NPSR1: variants seen among roughly 807,000 people sequenced by gnomAD.
NPSR1 encodes neuropeptide S receptor 1.
Under a neutral mutation model 46.9 loss-of-function variants are expected in NPSR1, and 48 were observed. The ratio of observed to expected loss-of-function variants is 1.02; its 90% CI spans 0.81 to 1.30. The LOEUF is 1.30. Ranked by LOEUF, NPSR1 falls within the 50% of genes most tolerant of loss-of-function variation. The pLI, the probability that NPSR1 is intolerant of heterozygous loss-of-function variation, is 0.00. For synonymous variants in NPSR1, 176 were observed against 168.1 expected (o/e 1.05, Z -0.36); for missense variants, 450 against 449.5 (o/e 1.00, Z -0.01).
At chr7:34,686,183 G>A (rs5005133) in intron 2 of NPSR1, 26,836 of 152,306 alleles carry the variant, frequency 0.18, 3,422 homozygotes, top group African/African-American at 0.36. Flanking sequence ...GACAAAAGTT[G>A]TATGTTCTAA....
In NPSR1 at chr7:34,781,955, T is replaced by C. The variant is rs1787249493; in HGVS notation, c.384+3390T>C. ...CCAGGCCTCAGAGCCATTATAATTC[T>C]GTGCATACCTGTGCTCTCATTCTTG... On this transcript the variant is annotated intron_variant, in intron 3 of 8. Transcript: ENST00000360581. Among the ~76,000 whole-genome samples the C allele has an allele frequency of 3.3e-5, 5 of 152,208 alleles. No individual in the cohort carries two copies. In the South Asian group the frequency reaches 8.3e-4, roughly 25 times the overall value.
At chr7:34,806,425 A>G (rs1585255) in intron 3 of NPSR1, among the ~76,000 whole-genome samples, 18,847 of 152,192 alleles carry the variant, frequency 0.12, 1,453 homozygotes, top group Non-Finnish European at 0.17. Context: ...AAAAAGCTAC[A>G]TACTAAATGA....
chr7:34,703,951 C>T (rs929682331), intron 2 of NPSR1: 7 of 152,262 alleles, frequency 4.6e-5, no homozygotes, highest in Admixed American at 3.3e-4. Flanking sequence ...AAATCATTTC[C>T]TTTTTCTGGT....
chr7:34,689,408 A>T (rs1361900245), intron 2 of NPSR1, among the ~76,000 whole-genome samples: 1 of 151,722 alleles, frequency 6.6e-6, no homozygotes, highest in Non-Finnish European at 1.5e-5. Flanking sequence ...GATCGAGACC[A>T]TCCTGGCTAA....
At chr7:34,658,894 C>G (rs1202259397) in intron 1 of NPSR1, among the ~76,000 whole-genome samples, 2 of 152,130 alleles carry the variant, frequency 1.3e-5, no homozygotes, top group Non-Finnish European at 2.9e-5. Context: ...CTTGAAATGT[C>G]TGTTTCTAGT....
chr7:34,716,071 C>T (rs769725210), intron 2 of NPSR1, among the ~76,000 whole-genome samples: 2 of 151,434 alleles, frequency 1.3e-5, no homozygotes, highest in Non-Finnish European at 2.9e-5. Context: ...CCAGGATGTA[C>T]AACAAATTAT....
At position 34,681,523 on chromosome 7, in the gene NPSR1, C is replaced by T. The variant is rs552442079; in HGVS notation, c.148-3029C>T. Among the ~76,000 whole-genome samples the T allele has an allele frequency of 9.8e-5, 15 of 152,290 alleles. 1 individual carries two copies. Among genetic ancestry groups the T allele is most frequent in the South Asian group, 8.3e-4 (4 of 4,830 alleles). On this transcript the variant is annotated intron_variant, in intron 1 of 8. Transcript: ENST00000360581. ...CTCCCACGTGGATGAACAGCAGCAG[C>T]GGAAGAGATAGATAGCACCTCTTTT...
rs188322996 is a variant in NPSR1 at position 34,671,732 on chromosome 7, G to A, written c.148-12820G>A. Among the ~76,000 whole-genome samples the A allele has an allele frequency of 1.0e-3, 155 of 152,210 alleles. 1 individual carries two copies. The highest frequency in any genetic ancestry group is 3.5e-3 in the African/African-American group (145 of 41,534). On this transcript the variant is annotated intron_variant, in intron 1 of 8. Coordinates refer to ENST00000360581, the MANE Select transcript of NPSR1 (RefSeq NM_207172.2). The stretch of plus-strand genomic sequence containing the variant: ...AATCCTTCTGCTGAGCCTCTCTCAT[G>A]CCCCCTCCCCTACTGTTCTCATCTC...
rs533541685 is a variant in NPSR1 at position 34,869,435 on chromosome 7, A to T, written c.1026-8641A>T. ...TCCCACACACCCTCTTCTATCAGAC[A>T]TAATGAACTACTGCTAGGATTATTG... is the stretch of plus-strand genomic sequence containing the variant. On this transcript the variant is annotated intron_variant, in intron 8 of 8. Coordinates refer to the NPSR1 transcript ENST00000359791. 3.3e-5 allele frequency among the ~76,000 whole-genome samples: 5 copies of T among 151,862 alleles called. No individual in the cohort carries two copies. In the East Asian group the frequency reaches 9.6e-4, roughly 29 times the overall value.
chr7:34,687,121 C>G (rs1394377139), intron 2 of NPSR1, among the ~76,000 whole-genome samples: 1 of 151,112 alleles, frequency 6.6e-6, no homozygotes, highest in Admixed American at 6.6e-5. Flanking sequence ...ACCGTGATCT[C>G]AGAGACCCCA....
chr7:34,691,585 C>T (rs1178781133), intron 2 of NPSR1, among the ~76,000 whole-genome samples: 5 of 151,894 alleles, frequency 3.3e-5, no homozygotes, highest in Non-Finnish European at 7.4e-5. Context: ...ATAAAACAGA[C>T]ATCAAACCAC....
chr7:34,797,175 C>G (rs1042808092), intron 3 of NPSR1, among the ~76,000 whole-genome samples: 1 of 151,982 alleles, frequency 6.6e-6, no homozygotes, highest in African/African-American at 2.4e-5. Flanking sequence ...TTAGTGGTTG[C>G]CAGGGCTTGG....
intron 5 of NPSR1, chr7:34,834,084 A>C: frequency 5.8e-5 from 21 of 361,112 alleles, no homozygotes; most frequent in East Asian, 1.6e-4. Flanking sequence ...TTCTGACTCT[A>C]AGGCCTGTTT....
intron 2 of NPSR1, among the ~76,000 whole-genome samples, chr7:34,692,642 C>A (rs1054654380): frequency 6.6e-6 from 1 of 151,222 alleles, no homozygotes; most frequent in Admixed American, 6.6e-5. Context: ...CTCTAAGGAA[C>A]AAGGAAAGCG....
chr7:34,756,217 T>C (rs1228838037), intron 2 of NPSR1, among the ~76,000 whole-genome samples: 1 of 152,156 alleles, frequency 6.6e-6, no homozygotes, highest in Non-Finnish European at 1.5e-5. Context: ...AATCAAATGC[T>C]CTTGAACATG....
intron 2 of NPSR1, among the ~76,000 whole-genome samples, chr7:34,721,306 T>C (rs977658697): frequency 6.6e-6 from 1 of 152,154 alleles, no homozygotes; most frequent in Non-Finnish European, 1.5e-5. Flanking sequence ...GAATGGAAGA[T>C]AGCAACGAGT....
intron 3 of NPSR1, among the ~76,000 whole-genome samples, chr7:34,809,063 C>T (rs1298007376): frequency 2.6e-5 from 4 of 152,082 alleles, no homozygotes; most frequent in African/African-American, 9.7e-5. Flanking sequence ...CCACAGAGCC[C>T]CAAGATCCTT....
At chr7:34,709,615 T>C (rs1042199202) in intron 2 of NPSR1, among the ~76,000 whole-genome samples, 1 of 152,172 alleles carries the variant, frequency 6.6e-6, no homozygotes, top group Non-Finnish European at 1.5e-5. Context: ...TTTCCCTTTT[T>C]CACAGCAATT....
At chr7:34,832,162 G>T (rs1241222099) in intron 5 of NPSR1, among the ~76,000 whole-genome samples, 1 of 152,342 alleles carries the variant, frequency 6.6e-6, no homozygotes, top group African/African-American at 2.4e-5. Flanking sequence ...GGAGAGGAAG[G>T]TACAGATTAT....
Sources: gnomAD v4.1 joint callset for allele counts (sites outside exome capture counted in the v4.1 genomes callset) on GRCh38, gnomAD v4.1.1 for gene constraint, MANE v1.5 for transcripts, NCBI Gene and HGNC (gene_info 2026-07-23, HGNC 2026-07-21) for gene names.